Variants in DLG2 observed in about 807,000 individuals in gnomAD.
DLG2 encodes discs large MAGUK scaffold protein 2.
DLG2 carries 45 observed loss-of-function variants against 132.5 expected under a neutral mutation model. That is an observed-to-expected ratio of 0.34 (90% CI 0.27 to 0.44). The LOEUF is 0.44. DLG2 is among the 20% of genes least tolerant of loss of function. The pLI, the probability that DLG2 is intolerant of heterozygous loss-of-function variation, is 1.00. For missense variants in DLG2, 1,045 were observed against 1,196.9 expected (o/e 0.87, Z 1.87); for synonymous variants, 424 against 419.6 (o/e 1.01, Z -0.13).
intron 7 of DLG2, among the ~76,000 whole-genome samples, chr11:84,402,886 A>AAAAAAAAAAAAAAG: frequency 6.7e-6 from 1 of 150,072 alleles, no homozygotes; most frequent in African/African-American, 2.5e-5. Context: ...CGTCTCAAAA[A>AAAAAAAAAAAAAAG]AAAAAAAAAA....
At chr11:84,502,826 A>G (rs562655940) in intron 7 of DLG2, among the ~76,000 whole-genome samples, 1 of 152,304 alleles carries the variant, frequency 6.6e-6, no homozygotes, top group Admixed American at 6.5e-5. Context: ...AAGTAGGCAA[A>G]TATGCAAGGG....
chr11:83,850,241 C>T (rs1201063825), intron 16 of DLG2, among the ~76,000 whole-genome samples: 6 of 151,830 alleles, frequency 4.0e-5, no homozygotes, highest in Non-Finnish European at 8.8e-5. Context: ...GCAACCTCCG[C>T]TTCCCGGGTT....
intron 7 of DLG2, among the ~76,000 whole-genome samples, chr11:84,384,084 T>C (rs2098759023): frequency 6.9e-6 from 1 of 144,924 alleles, no homozygotes; most frequent in African/African-American, 2.6e-5. Flanking sequence ...TATAGGAAGC[T>C]CTCGATGACG....
At chr11:84,197,893 C>G (rs984224840) in intron 8 of DLG2, among the ~76,000 whole-genome samples, 25 of 152,272 alleles carry the variant, frequency 1.6e-4, no homozygotes, top group African/African-American at 5.8e-4. Context: ...AGAATAATTA[C>G]ATATGGGGAT....
At chr11:84,628,077 T>G (rs891432677) in intron 6 of DLG2, among the ~76,000 whole-genome samples, 1 of 140,022 alleles carries the variant, frequency 7.1e-6, no homozygotes, top group African/African-American at 3.0e-5. Flanking sequence ...GAAAAATGAC[T>G]ATATATATAT....
chr11:84,217,008 T>C (rs1348867747), intron 8 of DLG2, among the ~76,000 whole-genome samples: 1 of 152,214 alleles, frequency 6.6e-6, no homozygotes, highest in Non-Finnish European at 1.5e-5. Flanking sequence ...AAAAGTTTGA[T>C]TATTTAAAAA....
chr11:84,163,718 C>T (rs2095599234), intron 8 of DLG2, among the ~76,000 whole-genome samples: 1 of 152,102 alleles, frequency 6.6e-6, no homozygotes, highest in Non-Finnish European at 1.5e-5. Context: ...ACAAAAAATA[C>T]TCAAAGATTA....
intron 6 of DLG2, among the ~76,000 whole-genome samples, chr11:84,831,525 C>G (rs1388374731): frequency 6.6e-6 from 1 of 151,408 alleles, no homozygotes; most frequent in East Asian, 2.0e-4. Flanking sequence ...AATGAAGTCA[C>G]GAATATAAAC....
chr11:84,651,278 A>G (rs1031683541), intron 6 of DLG2, among the ~76,000 whole-genome samples: 3 of 152,098 alleles, frequency 2.0e-5, no homozygotes, highest in Non-Finnish European at 4.4e-5. Context: ...AAGTGATTTC[A>G]TCATACTTAT....
chr11:84,552,553 C>A (rs522231), intron 6 of DLG2, among the ~76,000 whole-genome samples: 47,781 of 151,984 alleles, frequency 0.31, 7,756 homozygotes, highest in South Asian at 0.46. Context: ...CCCCAGACTG[C>A]GGTCAGAACT....
chr11:85,195,657 G>A (rs766145409), intron 4 of DLG2, among the ~76,000 whole-genome samples: 10 of 151,512 alleles, frequency 6.6e-5, no homozygotes, highest in Non-Finnish European at 1.3e-4. Context: ...CCGAGTAGCT[G>A]GGACTACAGG....
chr11:84,564,448 C>T (rs768412399), intron 6 of DLG2, among the ~76,000 whole-genome samples: 2 of 152,126 alleles, frequency 1.3e-5, no homozygotes, highest in African/African-American at 2.4e-5. Flanking sequence ...CGAGAATGTA[C>T]TATTCCCTTA....
intron 9 of DLG2, among the ~76,000 whole-genome samples, chr11:84,121,610 G>A (rs1481607157): frequency 7.4e-6 from 1 of 134,814 alleles, no homozygotes; most frequent in African/African-American, 2.9e-5. Context: ...GGCCCAGGCT[G>A]GAGTGCAGTG....
intron 8 of DLG2, among the ~76,000 whole-genome samples, chr11:84,165,011 CACACAA>C (rs1278542786): frequency 1.3e-5 from 2 of 152,184 alleles, no homozygotes; most frequent in Non-Finnish European, 2.9e-5. Flanking sequence ...GACACACACA[CACACAA>C]ACACACTTCA....
At chr11:84,441,161 T>C (rs959875856) in intron 7 of DLG2, among the ~76,000 whole-genome samples, 1 of 151,550 alleles carries the variant, frequency 6.6e-6, no homozygotes, top group Non-Finnish European at 1.5e-5. Context: ...ATTATTACTA[T>C]TTTGAGACAA....
chr11:84,402,504 T>TG (rs1188011808), intron 7 of DLG2, among the ~76,000 whole-genome samples: 2 of 152,052 alleles, frequency 1.3e-5, no homozygotes, highest in African/African-American at 4.8e-5. Context: ...TTTCCACTAC[T>TG]GGCACTGCCT....
At chr11:84,872,731 C>T (rs1458452352) in intron 6 of DLG2, among the ~76,000 whole-genome samples, 4 of 152,160 alleles carry the variant, frequency 2.6e-5, no homozygotes, top group African/African-American at 9.7e-5. Context: ...CATTTTTAAA[C>T]AGTCTTACTC....
At chr11:85,049,617 T>G (rs181440685) in intron 6 of DLG2, among the ~76,000 whole-genome samples, 6 of 152,234 alleles carry the variant, frequency 3.9e-5, no homozygotes, top group African/African-American at 9.6e-5. Flanking sequence ...AAATTATTTT[T>G]AGTTGTAGTA....
At chr11:84,715,816 G>T (rs1440995326) in intron 6 of DLG2, among the ~76,000 whole-genome samples, 5 of 152,114 alleles carry the variant, frequency 3.3e-5, no homozygotes, top group East Asian at 1.9e-4. Context: ...TGAACACTTA[G>T]GTTGTTTCCA....
Sources: allele counts gnomAD v4.1 joint callset (sites outside exome capture counted in the v4.1 genomes callset), GRCh38; gene constraint gnomAD v4.1.1; transcripts MANE v1.5; gene names NCBI Gene and HGNC (gene_info 2026-07-23, HGNC 2026-07-21).